GALNT14: variants seen among roughly 807,000 people sequenced by gnomAD.
The protein encoded by GALNT14 is UDP-GalNAc:polypeptide N-acetylgalactosaminyltransferase 14.
Under a neutral mutation model 77.5 loss-of-function variants are expected in GALNT14, and 60 were observed. The ratio of observed to expected loss-of-function variants is 0.77; its 90% CI spans 0.63 to 0.96. The LOEUF is 0.96. Among genes scored for constraint, GALNT14 ranks in the 40% least tolerant of loss-of-function variants. GALNT14 has a pLI of 0.00. For synonymous variants in GALNT14, 280 were observed against 281.7 expected (o/e 0.99, Z 0.06); for missense variants, 710 against 731.0 (o/e 0.97, Z 0.33).
In GALNT14 at chr2:31,138,180, C is replaced by A. The variant is rs1679316781; in HGVS notation, c.-94G>T. The A allele has an allele frequency of 3.9e-6, 6 of 1,521,300 alleles. No individual in the cohort carries two copies. The highest frequency in any genetic ancestry group is 5.4e-6 in the Non-Finnish European group (6 of 1,107,340). The allele number at this position is 1,521,300 out of a possible 1,614,324, so 94.2% of individuals were successfully genotyped here. ...GGGGCAGGAGTCCTGGCGAGCGCCT[C>A]GCTCTGGGGAGCTCTAGACCCAGGA... On this transcript the variant is annotated 5_prime_UTR_variant, in exon 1 of 15. Coordinates refer to ENST00000349752, the MANE Select transcript of GALNT14 (RefSeq NM_024572.4).
intron 1 of GALNT14, among the ~76,000 whole-genome samples, chr2:31,112,717 T>A (rs1032421836): frequency 6.6e-6 from 1 of 152,232 alleles, no homozygotes; most frequent in African/African-American, 2.4e-5. Context: ...ATCATTGTCA[T>A]GGGCCCACAG....
chr2:31,102,420 T>C (rs1359650240), intron 1 of GALNT14, among the ~76,000 whole-genome samples: 3 of 152,100 alleles, frequency 2.0e-5, no homozygotes, highest in African/African-American at 7.2e-5. Flanking sequence ...GCATTGAGTA[T>C]TTTTTGTTTT....
chr2:31,072,799 C>T (rs1383840067), intron 1 of GALNT14, among the ~76,000 whole-genome samples: 1 of 152,200 alleles, frequency 6.6e-6, no homozygotes, highest in Non-Finnish European at 1.5e-5. Context: ...ACTGCCACCC[C>T]AGTGCTCCTT....
At chr2:31,056,433 G>C (rs1674211825) in intron 1 of GALNT14, among the ~76,000 whole-genome samples, 1 of 152,144 alleles carries the variant, frequency 6.6e-6, no homozygotes, top group Non-Finnish European at 1.5e-5. Flanking sequence ...CGTACTCCTG[G>C]AGGTTGGTCC....
At chr2:30,895,742 A>G in the GALNT14 span, among the ~76,000 whole-genome samples, 5 of 152,034 alleles carry the variant, frequency 3.3e-5, no homozygotes, top group African/African-American at 1.2e-4. Context: ...CCTCTGGGAT[A>G]GCAGCGATCC....
intron 11 of GALNT14, among the ~76,000 whole-genome samples, 193 bp downstream of exon 11, chr2:30,929,202 C>T (rs1665570080): frequency 1.3e-5 from 2 of 152,224 alleles, no homozygotes; most frequent in South Asian, 4.1e-4. Context: ...AGTCATTCCA[C>T]AAGAGCTGCC....
chr2:31,114,390 A>G (rs1440958085), intron 1 of GALNT14, among the ~76,000 whole-genome samples: 3 of 152,206 alleles, frequency 2.0e-5, no homozygotes. Context: ...ACAAAGGGCA[A>G]CTCAAACAAA....
the GALNT14 span, among the ~76,000 whole-genome samples, chr2:30,891,401 G>A: frequency 6.6e-6 from 1 of 152,100 alleles, no homozygotes; most frequent in African/African-American, 2.4e-5. Context: ...ACTAACAGGT[G>A]GGGGGTCTTC....
chr2:30,995,540 CT>C (rs1222459603), intron 1 of GALNT14, among the ~76,000 whole-genome samples: 4 of 152,182 alleles, frequency 2.6e-5, no homozygotes, highest in Admixed American at 1.3e-4. Flanking sequence ...GTCACCCAGG[CT>C]GGAGTACAGT....
intron 1 of GALNT14, among the ~76,000 whole-genome samples, chr2:31,083,222 A>G (rs1676241412): frequency 6.6e-6 from 1 of 152,132 alleles, no homozygotes; most frequent in African/African-American, 2.4e-5. Flanking sequence ...CCTGACTGAC[A>G]TGGCATGGGT....
In GALNT14 at chr2:30,995,130, TTGTGTGTGTGTGTGTGTG is replaced by T. The variant is rs3058232; in HGVS notation, c.130-2141_130-2124del. On this transcript the variant is annotated intron_variant, in intron 1 of 14. Transcript: ENST00000349752. ...GTCCTCTAGACAAGCAGAACCAATG[TTGTGTGTGTGTGTGTGTG>T]TGTGTGTGTGTGTGTGTGTGTGTGT... Among the ~76,000 whole-genome samples the T allele has an allele frequency of 4.7e-3, 680 of 144,142 alleles. 6 individuals carry two copies. Among genetic ancestry groups the T allele is most frequent in the African/African-American group, 0.017 (641 of 38,586 alleles). 94.6% of individuals were successfully genotyped at this position (144,142 alleles called of 152,430 possible). A position where few individuals can be genotyped will look rare whatever the true frequency, so the allele number is the denominator to read the frequency against.
intron 11 of GALNT14, among the ~76,000 whole-genome samples, chr2:30,928,140 T>A (rs1241962859): frequency 2.6e-5 from 4 of 151,862 alleles, no homozygotes; most frequent in Non-Finnish European, 5.9e-5. Context: ...AGGTTTGGAG[T>A]GAGAGAACCT....
chr2:31,060,167 C>G (rs1674499533), intron 1 of GALNT14, among the ~76,000 whole-genome samples: 1 of 152,186 alleles, frequency 6.6e-6, no homozygotes, highest in Non-Finnish European at 1.5e-5. Flanking sequence ...AGGAGGAAAC[C>G]AGTACCCCAG....
intron 1 of GALNT14, among the ~76,000 whole-genome samples, chr2:31,031,853 G>A: frequency 6.6e-6 from 1 of 152,284 alleles, no homozygotes; most frequent in Non-Finnish European, 1.5e-5. Flanking sequence ...AGAGGGGCAA[G>A]AGCATGGCTG....
At chr2:31,134,745 C>G (rs1679153232) in intron 1 of GALNT14, among the ~76,000 whole-genome samples, 2 of 152,164 alleles carry the variant, frequency 1.3e-5, no homozygotes, top group Admixed American at 6.5e-5. Flanking sequence ...CAAGGGAGCT[C>G]TGGGAAGCGG....
At chr2:30,963,201 A>G (rs72855217) in intron 3 of GALNT14, among the ~76,000 whole-genome samples, 6,101 of 152,212 alleles carry the variant, frequency 0.04, 142 homozygotes, top group South Asian at 0.096. Flanking sequence ...GATGGGCGCC[A>G]AGAACCCTCC....
chr2:30,936,079 A>G (rs1018420851), intron 9 of GALNT14, among the ~76,000 whole-genome samples: 2 of 152,204 alleles, frequency 1.3e-5, no homozygotes, highest in African/African-American at 4.8e-5. Flanking sequence ...CCAGGCATGC[A>G]GATGTGTAAT....
intron 1 of GALNT14, among the ~76,000 whole-genome samples, chr2:31,076,651 C>A (rs1675817527): frequency 6.9e-6 from 1 of 143,930 alleles, no homozygotes. Flanking sequence ...TTTACATGTA[C>A]ATATACATTT....
At chr2:30,968,102 C>T (rs1039575777) in intron 2 of GALNT14, among the ~76,000 whole-genome samples, 4 of 152,222 alleles carry the variant, frequency 2.6e-5, no homozygotes, top group Non-Finnish European at 4.4e-5. Context: ...TCGCAGTTCT[C>T]GTGATGAGAC....
Sources: allele counts gnomAD v4.1 joint callset (sites outside exome capture counted in the v4.1 genomes callset), GRCh38; gene constraint gnomAD v4.1.1; transcripts MANE v1.5; gene names NCBI Gene and HGNC (gene_info 2026-07-23, HGNC 2026-07-21).